STMN2: variants seen among roughly 807,000 people sequenced by gnomAD.
STMN2 encodes the protein stathmin 2.
A neutral mutation model predicts 24.1 loss-of-function variants in STMN2; 2 were observed. The ratio of observed to expected loss-of-function variants is 0.08; its 90% CI spans 0.03 to 0.26. The LOEUF is 0.26. Among genes scored for constraint, STMN2 ranks in the 10% least tolerant of loss-of-function variants. The probability of loss-of-function intolerance (pLI) is 1.00; values close to 1 mark genes in which losing one functional copy is unlikely to be tolerated. For synonymous variants in STMN2, 83 were observed against 77.5 expected, an observed-to-expected ratio of 1.07 and a Z score of -0.37; for missense variants, 114 against 213.6, an observed-to-expected ratio of 0.53 and a Z score of 2.91.
At chr8:79,616,207 C>G (rs537036294) in intron 1 of STMN2, among the ~76,000 whole-genome samples, 14 of 152,240 alleles carry the variant, frequency 9.2e-5, no homozygotes, top group African/African-American at 3.4e-4. Context: ...TTTAAAGATA[C>G]CTTTTTAAAT....
intron 3 of STMN2, among the ~76,000 whole-genome samples, chr8:79,648,220 T>A (rs751947816): frequency 2.6e-5 from 4 of 152,222 alleles, no homozygotes; most frequent in Non-Finnish European, 4.4e-5. Flanking sequence ...ATGTCCTCCT[T>A]TGTCAATCTG....
intron 3 of STMN2, among the ~76,000 whole-genome samples, chr8:79,642,979 C>T (rs990373655): frequency 3.4e-5 from 5 of 146,388 alleles, no homozygotes; most frequent in Non-Finnish European, 7.5e-5. Context: ...TTACATATAC[C>T]AATTATAGAT....
intron 3 of STMN2, among the ~76,000 whole-genome samples, chr8:79,642,894 T>C (rs1461437633): frequency 6.7e-6 from 1 of 148,962 alleles, no homozygotes; most frequent in African/African-American, 2.4e-5. Flanking sequence ...ATATGAATTT[T>C]TATATATATA....
chr8:79,616,084 C>A (rs959283952), intron 1 of STMN2, among the ~76,000 whole-genome samples: 1 of 152,200 alleles, frequency 6.6e-6, no homozygotes, highest in Non-Finnish European at 1.5e-5. Context: ...TCTCCACCTG[C>A]AGAGAACATG....
intron 2 of STMN2, among the ~76,000 whole-genome samples, chr8:79,639,665 T>G (rs145023249): frequency 6.6e-6 from 1 of 152,364 alleles, no homozygotes; most frequent in Non-Finnish European, 1.5e-5. Flanking sequence ...AAGCCACTGA[T>G]AGAAAATAAG....
intron 1 of STMN2, among the ~76,000 whole-genome samples, chr8:79,632,375 A>G (rs1465084408): frequency 6.6e-6 from 1 of 152,214 alleles, no homozygotes; most frequent in African/African-American, 2.4e-5. Flanking sequence ...TTTCAAAAGG[A>G]AAAAAATGAG....
At chr8:79,664,652 C>A (rs1473446389) in intron 4 of STMN2, among the ~76,000 whole-genome samples, 163 bp from the exon 5 acceptor site, 2 of 151,720 alleles carry the variant, frequency 1.3e-5, no homozygotes, top group African/African-American at 4.8e-5. Flanking sequence ...CTTGTAAGAT[C>A]TTTTCTAACA....
At chr8:79,632,535 C>G (rs1233891240) in intron 1 of STMN2, among the ~76,000 whole-genome samples, 3 of 152,164 alleles carry the variant, frequency 2.0e-5, no homozygotes, top group Non-Finnish European at 4.4e-5. Flanking sequence ...GAGCACAAGG[C>G]CATGGTCAGA....
intron 3 of STMN2, among the ~76,000 whole-genome samples, chr8:79,642,675 A>G (rs1480978816): frequency 6.6e-6 from 1 of 152,184 alleles, no homozygotes; most frequent in African/African-American, 2.4e-5. Flanking sequence ...GTATATGTGC[A>G]TATATACATG....
chr8:79,620,105 CAAAT>C (rs1809475334), intron 1 of STMN2, among the ~76,000 whole-genome samples: 1 of 150,054 alleles, frequency 6.7e-6, no homozygotes, highest in Non-Finnish European at 1.5e-5. Context: ...AATTTAAGCT[CAAAT>C]AATTTATTCA....
intron 1 of STMN2, among the ~76,000 whole-genome samples, chr8:79,621,383 G>A (rs1809512129): frequency 6.6e-6 from 1 of 152,190 alleles, no homozygotes; most frequent in South Asian, 2.1e-4. Flanking sequence ...AGTAAAGAGG[G>A]AACAAGGAGC....
At chr8:79,647,809 A>T (rs1329319405) in intron 3 of STMN2, among the ~76,000 whole-genome samples, 1 of 152,220 alleles carries the variant, frequency 6.6e-6, no homozygotes, top group Non-Finnish European at 1.5e-5. Context: ...GGTCAGTTTG[A>T]ACCTCATCTC....
At chr8:79,636,249 C>A (rs1300436036) in intron 1 of STMN2, among the ~76,000 whole-genome samples, 1 of 152,038 alleles carries the variant, frequency 6.6e-6, no homozygotes, top group Non-Finnish European at 1.5e-5. Flanking sequence ...AAAAGATGGA[C>A]AGATAAGAAA....
At chr8:79,632,361 C>G (rs1449777562) in intron 1 of STMN2, among the ~76,000 whole-genome samples, 3 of 152,170 alleles carry the variant, frequency 2.0e-5, no homozygotes, top group Non-Finnish European at 4.4e-5. Flanking sequence ...TATCCCCAGG[C>G]ACATTTCAAA....
chr8:79,624,441 G>A (rs1218921280), intron 1 of STMN2, among the ~76,000 whole-genome samples: 39 of 112,810 alleles, frequency 3.5e-4, no homozygotes, highest in Middle Eastern at 0.016. Flanking sequence ...GCGACAGAGC[G>A]AGACTCCGTC....
At chr8:79,624,379 G>T (rs1012068800) in intron 1 of STMN2, among the ~76,000 whole-genome samples, 6 of 150,462 alleles carry the variant, frequency 4.0e-5, no homozygotes, top group African/African-American at 1.5e-4. Flanking sequence ...GCGTGAATCC[G>T]GGAGGGGGAG....
At chr8:79,614,100 G>A (rs1325622893) in intron 1 of STMN2, among the ~76,000 whole-genome samples, 2 of 152,086 alleles carry the variant, frequency 1.3e-5, no homozygotes, top group African/African-American at 4.8e-5. Flanking sequence ...TACATGGATC[G>A]TGAAATGGTA....
chr8:79,624,281 C>T (rs1479598275), intron 1 of STMN2, among the ~76,000 whole-genome samples: 4 of 151,698 alleles, frequency 2.6e-5, no homozygotes, highest in Non-Finnish European at 5.9e-5. Context: ...GGTGAAACCC[C>T]GTCTCTACTA....
chr8:79,648,907 A>T (rs1320872481), intron 3 of STMN2, among the ~76,000 whole-genome samples: 2 of 152,210 alleles, frequency 1.3e-5, no homozygotes, highest in African/African-American at 4.8e-5. Flanking sequence ...GATTTTAATG[A>T]CATTGATAAA....
Sources: allele counts gnomAD v4.1 joint callset (sites outside exome capture counted in the v4.1 genomes callset), GRCh38; gene constraint gnomAD v4.1.1; transcripts MANE v1.5; gene names NCBI Gene and HGNC (gene_info 2026-07-23, HGNC 2026-07-21).